Variants in GRIK3 observed in about 807,000 individuals in gnomAD.
GRIK3 encodes the protein glutamate receptor ionotropic, kainate 3.
In GRIK3, 29 loss-of-function variants were observed where a neutral mutation model predicts 102.5. That is an observed-to-expected ratio of 0.28 (90% CI 0.21 to 0.39). GRIK3 has a LOEUF of 0.39. Among genes scored for constraint, GRIK3 ranks in the 10% least tolerant of loss-of-function variants. The probability of loss-of-function intolerance (pLI) is 1.00; values close to 1 mark genes in which losing one functional copy is unlikely to be tolerated. For synonymous variants in GRIK3, 511 were observed against 504.9 expected (o/e 1.01, Z -0.16); for missense variants, 908 against 1,252.4 (o/e 0.73, Z 4.15).
chr1:36,960,682 A>G (rs556582385), intron 1 of GRIK3, among the ~76,000 whole-genome samples: 1 of 152,168 alleles, frequency 6.6e-6, no homozygotes, highest in East Asian at 1.9e-4. Flanking sequence ...TCCAATCAGC[A>G]CCTCCCAGAC....
rs1640857925 is a variant in GRIK3 at position 36,872,809 on chromosome 1, C to T, written c.551-440G>A. On this transcript the variant is annotated intron_variant, in intron 3 of 15. Transcript: ENST00000373091. This position sits in a 1 kb window ranked among gnomAD's most constrained non-coding sequence, Gnocchi z 5.9. ...ACCCCTCTTCTTCTGTACCCACCCC[C>T]AACATTGTGAGACATGGGACATGAT... 6.6e-6 allele frequency among the ~76,000 whole-genome samples: 1 copy of T among 152,202 alleles called. No individual in the cohort carries two copies. Among genetic ancestry groups the T allele is most frequent in the Non-Finnish European group, 1.5e-5 (1 of 68,036 alleles).
At chr1:36,930,897 C>T (rs555626686) in intron 1 of GRIK3, among the ~76,000 whole-genome samples, 1 of 152,364 alleles carries the variant, frequency 6.6e-6, no homozygotes, top group East Asian at 1.9e-4. Context: ...GCCAACGAAA[C>T]AGGCAGTGGA....
At chr1:36,974,368 A>G (rs1264304304) in intron 1 of GRIK3, among the ~76,000 whole-genome samples, 1 of 152,254 alleles carries the variant, frequency 6.6e-6, no homozygotes, top group Non-Finnish European at 1.5e-5. Context: ...GTTAACATAT[A>G]TATGTTTAAC....
At chr1:37,016,207 G>T (rs530681426) in intron 1 of GRIK3, among the ~76,000 whole-genome samples, 2 of 152,180 alleles carry the variant, frequency 1.3e-5, no homozygotes, top group Admixed American at 1.3e-4. Flanking sequence ...CCAATTGTGG[G>T]CATTGCTAGG....
chr1:36,916,290 C>T (rs1351658718), intron 1 of GRIK3, among the ~76,000 whole-genome samples: 8 of 152,100 alleles, frequency 5.3e-5, no homozygotes, highest in Admixed American at 5.2e-4. Context: ...GTTAAAGGCA[C>T]TGATTTTTAA....
chr1:36,881,832 G>A (rs1347783439), intron 2 of GRIK3, among the ~76,000 whole-genome samples: 1 of 152,020 alleles, frequency 6.6e-6, no homozygotes, highest in Non-Finnish European at 1.5e-5. Context: ...TGTCCCTACC[G>A]CCACTTTTCT....
At chr1:36,975,975 G>A (rs1374561194) in intron 1 of GRIK3, among the ~76,000 whole-genome samples, 3 of 152,202 alleles carry the variant, frequency 2.0e-5, no homozygotes, top group Non-Finnish European at 4.4e-5. Context: ...TGAAAGAGGA[G>A]AGTCTCCAAA....
intron 4 of GRIK3, among the ~76,000 whole-genome samples, chr1:36,871,166 G>A (rs1325993093): frequency 6.6e-6 from 1 of 152,166 alleles, no homozygotes; most frequent in African/African-American, 2.4e-5. Context: ...TGACTCCTGG[G>A]CCTCTTGCTC....
intron 1 of GRIK3, among the ~76,000 whole-genome samples, chr1:36,986,171 A>G (rs904791258): frequency 9.2e-5 from 14 of 152,244 alleles, no homozygotes; most frequent in Admixed American, 6.5e-4. Context: ...AATCCTAAGG[A>G]GCTGGATGCC....
At chr1:36,980,447 C>T (rs1642237584) in intron 1 of GRIK3, among the ~76,000 whole-genome samples, 1 of 151,602 alleles carries the variant, frequency 6.6e-6, no homozygotes, top group African/African-American at 2.4e-5. Flanking sequence ...GACACTCTCC[C>T]TCCTCCTTTT....
rs778792260 is a variant in GRIK3, at chr1:36,817,048, A to T, written c.2091+12T>A. 2.5e-6 allele frequency: 4 copies of T among 1,587,312 alleles called. No homozygotes were observed. The Admixed American group carries it at 6.7e-5, about 26-fold the overall frequency. On this transcript the variant is annotated intron_variant, in intron 13 of 15. Coordinates refer to ENST00000373091, the MANE Select transcript of GRIK3 (RefSeq NM_000831.4). ...AGCTCACGGTGCTGCAATAGGAGGG[A>T]GAGGGCCTCACCTTGAAGAAGGTCA...
At chr1:36,913,021 C>T (rs1442411659) in intron 1 of GRIK3, among the ~76,000 whole-genome samples, 1 of 152,214 alleles carries the variant, frequency 6.6e-6, no homozygotes, top group Non-Finnish European at 1.5e-5. Flanking sequence ...ACCCCAGCTC[C>T]AGCAGGGATC....
In GRIK3 at chr1:36,872,247, G is replaced by A. The variant is rs1570772190; in HGVS notation, c.673C>T (p.Arg225Trp). ...RPLLKEMKRG[R>W]EFRIIFDCSH... ...CAGTCGAAGATAATGCGGAATTCCC[G>A]GCCTCGCTTCATCTCCTTGAGCAAG... The change falls in exon 4 of 16, where the codon CGG becomes TGG. Residue 225 changes from arginine to tryptophan, a missense_variant. Transcript: ENST00000373091. This position sits in a 1 kb window ranked among gnomAD's most constrained non-coding sequence, Gnocchi z 5.9. The A allele has an allele frequency of 3.7e-6, 6 of 1,612,184 alleles. No individual in the cohort carries two copies. The highest frequency in any genetic ancestry group is 5.1e-6 in the Non-Finnish European group (6 of 1,179,176).
intron 1 of GRIK3, among the ~76,000 whole-genome samples, chr1:36,967,119 A>G (rs1642088549): frequency 6.6e-6 from 1 of 152,238 alleles, no homozygotes; most frequent in Non-Finnish European, 1.5e-5. Context: ...ATTTGAAGTC[A>G]GACATCCTGA....
chr1:36,801,822 CAGGCCTG>C lies in GRIK3; in HGVS notation c.*22_*28del, dbSNP rs758728911. The stretch of plus-strand genomic sequence containing the variant: ...CCTTTGCTTTCCTCTGCCCAGCCCC[CAGGCCTG>C]AGGTCCCCACCCCAGCTGTGCCTAG... On this transcript the variant is annotated 3_prime_UTR_variant, in exon 16 of 16. Coordinates refer to ENST00000373091, the MANE Select transcript of GRIK3 (RefSeq NM_000831.4). 4.5e-6 allele frequency: 7 copies of C among 1,557,920 alleles called. No individual in the cohort carries two copies. Among genetic ancestry groups the C allele is most frequent in the Non-Finnish European group, 5.2e-6 (6 of 1,148,860 alleles).
chr1:37,000,598 C>T (rs943535542), intron 1 of GRIK3, among the ~76,000 whole-genome samples: 1 of 152,178 alleles, frequency 6.6e-6, no homozygotes, highest in Non-Finnish European at 1.5e-5. Context: ...CATTCAATGC[C>T]TACAACTATT....
intron 1 of GRIK3, among the ~76,000 whole-genome samples, chr1:36,928,725 C>T (rs1024862561): frequency 2.0e-5 from 3 of 152,196 alleles, no homozygotes; most frequent in Admixed American, 6.5e-5. Context: ...AAAAAAAATC[C>T]CCCCAAACTT....
At chr1:36,909,521 G>A (rs749668656) in intron 1 of GRIK3, among the ~76,000 whole-genome samples, 3 of 152,072 alleles carry the variant, frequency 2.0e-5, no homozygotes, top group Non-Finnish European at 2.9e-5. Flanking sequence ...GGCTGATTTC[G>A]AACTCTTGAC....
intron 1 of GRIK3, among the ~76,000 whole-genome samples, chr1:36,946,799 T>C: frequency 6.6e-6 from 1 of 152,104 alleles, no homozygotes; most frequent in Admixed American, 6.5e-5. Flanking sequence ...ATGCAAACCC[T>C]ATTCTGTGAG....
Sources: allele counts gnomAD v4.1 joint callset (sites outside exome capture counted in the v4.1 genomes callset), GRCh38; gene constraint gnomAD v4.1.1; non-coding constraint Gnocchi (gnomAD v3.1); transcripts MANE v1.5; gene names NCBI Gene and HGNC (gene_info 2026-07-23, HGNC 2026-07-21).